The following PLCH1 variants were observed in gnomAD, a reference collection of about 807,000 sequenced individuals.
PLCH1 encodes the protein 1-phosphatidylinositol 4,5-bisphosphate phosphodiesterase eta-1.
PLCH1 carries 60 observed loss-of-function variants against 126.7 expected under a neutral mutation model. That is an observed-to-expected ratio of 0.47 (90% CI 0.38 to 0.59). The LOEUF (loss-of-function observed/expected upper bound fraction) is 0.59. Among genes scored for constraint, PLCH1 ranks in the 20% least tolerant of loss-of-function variants. PLCH1 has a pLI of 0.00. For missense variants in PLCH1, 1,723 were observed against 2,040.0 expected (o/e 0.84, Z 2.99); for synonymous variants, 719 against 734.9 (o/e 0.98, Z 0.35).
At chr3:155,551,243 G>A (rs1016911372) in intron 9 of PLCH1, among the ~76,000 whole-genome samples, 30 of 151,892 alleles carry the variant, frequency 2.0e-4, no homozygotes, top group African/African-American at 7.0e-4. Context: ...CCAGGAGTTC[G>A]AGACCAGCCT....
intron 2 of PLCH1, among the ~76,000 whole-genome samples, chr3:155,699,828 A>ACT (rs960865403): frequency 1.3e-5 from 2 of 151,182 alleles, no homozygotes. Context: ...CCATTCACAC[A>ACT]CACACACACA....
chr3:155,737,777 T>G (rs1032619758), intron 1 of PLCH1, among the ~76,000 whole-genome samples: 6 of 152,186 alleles, frequency 3.9e-5, no homozygotes, highest in Non-Finnish European at 8.8e-5. Flanking sequence ...GATTCTGACC[T>G]GAAAAACCTG....
intron 2 of PLCH1, among the ~76,000 whole-genome samples, chr3:155,603,233 C>T (rs1733966991): frequency 1.3e-5 from 2 of 152,184 alleles, no homozygotes. Flanking sequence ...TTCCTGCCAG[C>T]TTCCACAGAT....
chr3:155,724,104 G>A (rs931997216), intron 1 of PLCH1, among the ~76,000 whole-genome samples: 2 of 152,110 alleles, frequency 1.3e-5, no homozygotes, highest in African/African-American at 4.8e-5. Context: ...TGGTCTGAGA[G>A]ACTACTTGCT....
intron 1 of PLCH1, among the ~76,000 whole-genome samples, chr3:155,735,394 G>A (rs1749100556): frequency 6.6e-6 from 1 of 151,980 alleles, no homozygotes; most frequent in Non-Finnish European, 1.5e-5. Context: ...AACACTTTGG[G>A]AGGCCAAGGC....
intron 14 of PLCH1, among the ~76,000 whole-genome samples, chr3:155,500,119 T>G (rs759602823): frequency 1.3e-5 from 2 of 152,200 alleles, no homozygotes; most frequent in Non-Finnish European, 2.9e-5. Context: ...TGTGTCACGA[T>G]TTGGATTCTG....
chr3:155,743,623 C>T (rs75858731), intron 1 of PLCH1: 7,213 of 412,416 alleles, frequency 0.017, 440 homozygotes, highest in African/African-American at 0.14. Context: ...AGACTTTAAC[C>T]CCAAAGGTGA....
intron 2 of PLCH1, among the ~76,000 whole-genome samples, chr3:155,617,995 G>A (rs1020341108): frequency 2.6e-5 from 4 of 152,176 alleles, no homozygotes; most frequent in African/African-American, 4.8e-5. Flanking sequence ...GGTCTAATCT[G>A]AGACTCCTTA....
At chr3:155,487,984 A>T (rs944250840) in intron 21 of PLCH1, 44 bp downstream of exon 21, 2 of 1,131,842 alleles carry the variant, frequency 1.8e-6, no homozygotes. Flanking sequence ...ATTGTTAAGG[A>T]CCATATTAAT....
intron 8 of PLCH1, among the ~76,000 whole-genome samples, chr3:155,557,104 T>G (rs1389924050): frequency 6.6e-6 from 1 of 152,106 alleles, no homozygotes; most frequent in Non-Finnish European, 1.5e-5. Context: ...TATCAGAGAG[T>G]GTCTACTATT....
rs372662465 is a variant in PLCH1 at position 155,551,338 on chromosome 3, A to C, written c.1191-1380T>G. Among the ~76,000 whole-genome samples, 4 of 150,944 alleles carry C rather than the reference A, an allele frequency of 2.6e-5. No individual in the cohort carries two copies. The East Asian group carries it at 7.9e-4, about 30-fold the overall frequency. The stretch of plus-strand genomic sequence containing the variant: ...CACGTGCCGGTAATCCCAGATACTC[A>C]GGAGGCTGAGGCAAGAGAATCGCTT... On this transcript the variant is annotated intron_variant, in intron 9 of 22. Coordinates refer to ENST00000460012, the MANE Select transcript of PLCH1 (RefSeq NM_014996.4).
At chr3:155,737,733 T>C (rs1749302226) in intron 1 of PLCH1, among the ~76,000 whole-genome samples, 2 of 152,226 alleles carry the variant, frequency 1.3e-5, no homozygotes, top group Non-Finnish European at 2.9e-5. Context: ...CATATGATTT[T>C]ATAGCAAATC....
chr3:155,705,858 C>A lies in PLCH1; in HGVS notation c.-40-1594G>T, dbSNP rs186618025. 1.2e-4 allele frequency among the ~76,000 whole-genome samples: 18 copies of A among 152,248 alleles called. No individual in the cohort carries two copies. The East Asian group carries it at 3.3e-3, about 28-fold the overall frequency. The stretch of plus-strand genomic sequence containing the variant: ...AGTCAAGCCATAATAGCAACTAGGA[C>A]TTTATGAAGTGAGGTCGTTTAAAAA... On this transcript the variant is annotated intron_variant, in intron 1 of 22. Transcript: ENST00000460012.
At chr3:155,714,710 G>T (rs772159627) in intron 1 of PLCH1, among the ~76,000 whole-genome samples, 4 of 152,218 alleles carry the variant, frequency 2.6e-5, no homozygotes, top group Non-Finnish European at 5.9e-5. Flanking sequence ...TGCTGCATTT[G>T]AAAGGGCTGG....
intron 21 of PLCH1, among the ~76,000 whole-genome samples, chr3:155,453,750 AT>A (rs1712370894): frequency 6.7e-6 from 1 of 149,456 alleles, no homozygotes; most frequent in South Asian, 2.2e-4. Flanking sequence ...CTGATTAATA[AT>A]TAGAAATTAA....
At chr3:155,718,041 A>T (rs928592253) in intron 1 of PLCH1, among the ~76,000 whole-genome samples, 12 of 152,186 alleles carry the variant, frequency 7.9e-5, no homozygotes, top group African/African-American at 2.9e-4. Flanking sequence ...TCACAACTTG[A>T]ACAATACTGC....
At chr3:155,670,175 T>C (rs1481222713) in intron 2 of PLCH1, among the ~76,000 whole-genome samples, 1 of 152,204 alleles carries the variant, frequency 6.6e-6, no homozygotes, top group East Asian at 1.9e-4. Context: ...GGGCAAATGA[T>C]GAGCTCAGAC....
At chr3:155,604,475 C>T (rs1175100103) in intron 2 of PLCH1, among the ~76,000 whole-genome samples, 3 of 151,934 alleles carry the variant, frequency 2.0e-5, no homozygotes, top group Non-Finnish European at 4.4e-5. Flanking sequence ...AAATTGTTTG[C>T]GAACGTTGCA....
chr3:155,632,207 A>C (rs1172857149), intron 2 of PLCH1, among the ~76,000 whole-genome samples: 2 of 152,206 alleles, frequency 1.3e-5, no homozygotes, highest in Admixed American at 1.3e-4. Flanking sequence ...AAATATTACA[A>C]CTACCAAAAA....
Sources: allele counts gnomAD v4.1 joint callset (sites outside exome capture counted in the v4.1 genomes callset), GRCh38; gene constraint gnomAD v4.1.1; transcripts MANE v1.5; gene names NCBI Gene and HGNC (gene_info 2026-07-23, HGNC 2026-07-21).